SLC24A2: variants seen among roughly 807,000 people sequenced by gnomAD.
SLC24A2 encodes sodium/potassium/calcium exchanger 2.
Under a neutral mutation model 62.0 loss-of-function variants are expected in SLC24A2, and 36 were observed. The ratio of observed to expected loss-of-function variants is 0.58; its 90% CI spans 0.44 to 0.77. The LOEUF (loss-of-function observed/expected upper bound fraction) is 0.77, where lower values mean the gene tolerates loss of function less well. Ranked by LOEUF, SLC24A2 falls within the 30% of genes least tolerant of loss-of-function variation. SLC24A2 has a pLI of 0.00. For missense variants in SLC24A2, 846 were observed against 817.9 expected (o/e 1.03, Z -0.42); for synonymous variants, 358 against 294.0 (o/e 1.22, Z -2.23).
the SLC24A2 span, among the ~76,000 whole-genome samples, chr9:20,101,014 C>G: frequency 6.6e-6 from 1 of 152,224 alleles, no homozygotes; most frequent in Non-Finnish European, 1.5e-5. Context: ...ACTATGGTCT[C>G]ATTTCCAGAA....
In SLC24A2 at chr9:19,786,894, C is replaced by A. The variant is rs1221454427; in HGVS notation, c.-28G>T. On this transcript the variant is annotated 5_prime_UTR_variant, in exon 2 of 11. Transcript: ENST00000341998. The surrounding 1 kb of genome is among the most constrained non-coding windows in gnomAD (Gnocchi z 5.0). ...TGGGTCTTCTGGTGGATATGGTGAT[C>A]TTCCAACTTTAGACTCAACCAGATG... 3.7e-6 allele frequency: 6 copies of A among 1,603,038 alleles called. No individual in the cohort carries two copies.
the SLC24A2 span, among the ~76,000 whole-genome samples, chr9:20,198,175 A>T: frequency 6.6e-6 from 1 of 152,204 alleles, no homozygotes; most frequent in Non-Finnish European, 1.5e-5. Context: ...TGATGAGGTC[A>T]TCAGCACAAT....
the SLC24A2 span, among the ~76,000 whole-genome samples, chr9:20,075,005 T>C: frequency 6.6e-6 from 1 of 152,148 alleles, no homozygotes; most frequent in South Asian, 2.1e-4. Flanking sequence ...TAAGAAATAA[T>C]GGAAATGTAT....
chr9:19,705,849 C>T (rs1303571965), intron 2 of SLC24A2, among the ~76,000 whole-genome samples: 2 of 152,066 alleles, frequency 1.3e-5, no homozygotes, highest in Admixed American at 6.5e-5. Flanking sequence ...AGCTTTACTT[C>T]CAACTATGTG....
At chr9:19,640,875 A>G (rs1188088336) in intron 2 of SLC24A2, among the ~76,000 whole-genome samples, 1 of 152,212 alleles carries the variant, frequency 6.6e-6, no homozygotes, top group Admixed American at 6.5e-5. Context: ...TTTGTGCCTG[A>G]GTGCCATCCT....
intron 2 of SLC24A2, among the ~76,000 whole-genome samples, chr9:19,700,942 G>A (rs1408492968): frequency 6.6e-6 from 1 of 152,150 alleles, no homozygotes; most frequent in African/African-American, 2.4e-5. Flanking sequence ...CGTATGCCAA[G>A]CCTGGAACTT....
the SLC24A2 span, among the ~76,000 whole-genome samples, chr9:19,820,034 T>TATATAC: frequency 5.8e-3 from 199 of 34,408 alleles, 3 homozygotes; most frequent in African/African-American, 9.3e-3. Context: ...TACACATATA[T>TATATAC]ATATATACAT....
chr9:20,083,982 T>C, the SLC24A2 span, among the ~76,000 whole-genome samples: 1 of 152,210 alleles, frequency 6.6e-6, no homozygotes, highest in Non-Finnish European at 1.5e-5. Flanking sequence ...GCTCCTTTGG[T>C]AATGGGTTTC....
intron 2 of SLC24A2, among the ~76,000 whole-genome samples, chr9:19,639,872 G>A (rs888289845): frequency 6.6e-6 from 1 of 152,196 alleles, no homozygotes; most frequent in Non-Finnish European, 1.5e-5. Flanking sequence ...CATAGTAGAG[G>A]GAGGAAAGAC....
At chr9:19,590,207 A>G (rs1265053073) in intron 5 of SLC24A2, among the ~76,000 whole-genome samples, 2 of 152,068 alleles carry the variant, frequency 1.3e-5, no homozygotes, top group Non-Finnish European at 2.9e-5. Flanking sequence ...TCCTAACTAC[A>G]TGCTACATCC....
At chr9:19,907,256 G>T in the SLC24A2 span, among the ~76,000 whole-genome samples, 1 of 152,148 alleles carries the variant, frequency 6.6e-6, no homozygotes, top group Non-Finnish European at 1.5e-5. Context: ...TGTAGAAAAG[G>T]CCTTTGACAA....
At chr9:20,219,937 T>C in the SLC24A2 span, among the ~76,000 whole-genome samples, 1 of 152,200 alleles carries the variant, frequency 6.6e-6, no homozygotes, top group Non-Finnish European at 1.5e-5. Context: ...AATTCGAGCT[T>C]TGGAGAGTCT....
chr9:20,188,245 G>A, the SLC24A2 span, among the ~76,000 whole-genome samples: 1 of 152,170 alleles, frequency 6.6e-6, no homozygotes, highest in Non-Finnish European at 1.5e-5. Flanking sequence ...GCTGGACAGT[G>A]GACCCCTGGT....
chr9:20,019,420 C>A, the SLC24A2 span, among the ~76,000 whole-genome samples: 1 of 152,166 alleles, frequency 6.6e-6, no homozygotes, highest in African/African-American at 2.4e-5. Context: ...TTCCCAGCCC[C>A]ATTTATTAAA....
At chr9:20,104,616 G>A in the SLC24A2 span, among the ~76,000 whole-genome samples, 1 of 152,126 alleles carries the variant, frequency 6.6e-6, no homozygotes, top group South Asian at 2.1e-4. Context: ...ATAAGTGAAG[G>A]AGAAATAAAA....
intron 1 of SLC24A2, among the ~76,000 whole-genome samples, chr9:19,788,203 A>C (rs1395060585): frequency 2.0e-5 from 3 of 152,142 alleles, no homozygotes; most frequent in African/African-American, 7.2e-5. Context: ...AGTTGCTGCT[A>C]CTCCTGAGAT....
At chr9:19,812,744 C>G in the SLC24A2 span, among the ~76,000 whole-genome samples, 3 of 151,004 alleles carry the variant, frequency 2.0e-5, no homozygotes, top group South Asian at 6.4e-4. Context: ...TACTAGATAG[C>G]CTCCAGATAA....
the SLC24A2 span, among the ~76,000 whole-genome samples, chr9:20,086,684 C>T: frequency 1.0e-3 from 152 of 152,278 alleles, 1 homozygote; most frequent in South Asian, 8.1e-3. Context: ...AACCTTTGCT[C>T]CTCTGTTGCC....
intron 2 of SLC24A2, among the ~76,000 whole-genome samples, chr9:19,763,663 G>T (rs1041326324): frequency 6.6e-6 from 1 of 152,112 alleles, no homozygotes; most frequent in African/African-American, 2.4e-5. Flanking sequence ...GGATGAAGCT[G>T]ACTTGATCAT....
Sources: gnomAD v4.1 joint callset for allele counts (sites outside exome capture counted in the v4.1 genomes callset) on GRCh38, gnomAD v4.1.1 for gene constraint, Gnocchi (gnomAD v3.1) non-coding constraint, MANE v1.5 for transcripts, NCBI Gene and HGNC (gene_info 2026-07-23, HGNC 2026-07-21) for gene names.